The following SUPT3H variants were observed in gnomAD, a reference collection of about 807,000 sequenced individuals.
The protein encoded by SUPT3H is transcription initiation protein SPT3 homolog.
Under a neutral mutation model 44.3 loss-of-function variants are expected in SUPT3H, and 44 were observed. The ratio of observed to expected loss-of-function variants is 0.99; its 90% CI spans 0.78 to 1.28. The LOEUF (loss-of-function observed/expected upper bound fraction) is 1.28, where lower values mean the gene tolerates loss of function less well. SUPT3H is among the 50% of genes most tolerant of loss of function. SUPT3H has a pLI of 0.00. For missense variants in SUPT3H, 380 were observed against 387.1 expected (o/e 0.98, Z 0.15); for synonymous variants, 124 against 125.6 (o/e 0.99, Z 0.09).
At chr6:45,123,303 A>G (rs1801934556) in intron 2 of SUPT3H, among the ~76,000 whole-genome samples, 1 of 152,156 alleles carries the variant, frequency 6.6e-6, no homozygotes, top group Non-Finnish European at 1.5e-5. Flanking sequence ...TAATTTAATT[A>G]AAATTCTACT....
intron 2 of SUPT3H, among the ~76,000 whole-genome samples, chr6:45,190,230 T>C (rs1055703920): frequency 1.3e-5 from 2 of 152,104 alleles, no homozygotes; most frequent in African/African-American, 4.8e-5. Context: ...GAAATAAAAA[T>C]GTTATGGTTA....
At chr6:45,231,829 G>A (rs567866028) in intron 2 of SUPT3H, among the ~76,000 whole-genome samples, 15 of 152,060 alleles carry the variant, frequency 9.9e-5, no homozygotes, top group African/African-American at 2.2e-4. Flanking sequence ...CAAAAGATGT[G>A]TCTTCAAGTT....
intron 2 of SUPT3H, among the ~76,000 whole-genome samples, chr6:45,316,075 TG>T (rs1017287088): frequency 1.2e-4 from 18 of 152,278 alleles, no homozygotes; most frequent in African/African-American, 3.4e-4. Flanking sequence ...AACTCAGGAA[TG>T]GAAAACCAAA....
chr6:45,241,104 C>T (rs1274410939), intron 2 of SUPT3H, among the ~76,000 whole-genome samples: 2 of 152,140 alleles, frequency 1.3e-5, no homozygotes, highest in Admixed American at 6.5e-5. Flanking sequence ...GTATAGTCTG[C>T]AGATGCAGAT....
At chr6:44,870,548 G>T (rs1284136607) in intron 10 of SUPT3H, among the ~76,000 whole-genome samples, 1 of 150,724 alleles carries the variant, frequency 6.6e-6, no homozygotes, top group Admixed American at 6.6e-5. Context: ...GCAGCGAGCC[G>T]GGACTGTGCT....
intron 2 of SUPT3H, among the ~76,000 whole-genome samples, chr6:45,148,869 G>A (rs1215366146): frequency 6.6e-6 from 1 of 152,072 alleles, no homozygotes; most frequent in Admixed American, 6.6e-5. Context: ...ATTCTGAAAT[G>A]CATGCTGACT....
At chr6:45,013,916 C>G (rs1783855561) in intron 5 of SUPT3H, among the ~76,000 whole-genome samples, 1 of 152,028 alleles carries the variant, frequency 6.6e-6, no homozygotes, top group South Asian at 2.1e-4. Flanking sequence ...ATGCAACAGA[C>G]TCTCAATACT....
chr6:45,043,713 G>A (rs1788948712), intron 3 of SUPT3H, among the ~76,000 whole-genome samples: 1 of 152,028 alleles, frequency 6.6e-6, no homozygotes, highest in African/African-American at 2.4e-5. Context: ...TGAAAAAAAA[G>A]GAAAGAAATT....
At chr6:45,203,910 A>C (rs1436429268) in intron 2 of SUPT3H, among the ~76,000 whole-genome samples, 1 of 152,168 alleles carries the variant, frequency 6.6e-6, no homozygotes, top group African/African-American at 2.4e-5. Flanking sequence ...CTTCTCTGTC[A>C]CAGCTTTTAA....
In SUPT3H at chr6:44,829,829, A is replaced by C. The variant is rs1317966369; in HGVS notation, c.941T>G (p.Phe314Cys). The C allele has an allele frequency of 6.2e-7, 1 of 1,613,314 alleles. No homozygotes were observed. The highest frequency in any genetic ancestry group is 1.1e-5 in the South Asian group (1 of 91,054). ...ACAGTTGTCACATCAGCAGGCTAGA[A>C]AAGCCATCCCATTCCTGCGGTAGGC... ...TNAYRRNGMA[F>C]LAC Residue 314 changes from phenylalanine (F) to cysteine (C), a missense_variant, in exon 11 of 11, where the codon TTT becomes TGT. Phe to Cys is a radical substitution (Grantham distance 205). Coordinates refer to ENST00000371459, the MANE Select transcript of SUPT3H (RefSeq NM_003599.4).
chr6:44,958,594 G>A (rs1207888445), intron 7 of SUPT3H, among the ~76,000 whole-genome samples: 3 of 152,086 alleles, frequency 2.0e-5, no homozygotes, highest in Non-Finnish European at 2.9e-5. Context: ...GGGACCTGGC[G>A]TCAATGTCTT....
chr6:45,076,468 G>A (rs553020486), intron 3 of SUPT3H, among the ~76,000 whole-genome samples: 11 of 150,756 alleles, frequency 7.3e-5, no homozygotes, highest in Middle Eastern at 3.4e-3. Context: ...TTCCTGTTAC[G>A]TGTCTGATTA....
At chr6:45,080,448 G>A (rs778466959) in intron 3 of SUPT3H, among the ~76,000 whole-genome samples, 9 of 151,842 alleles carry the variant, frequency 5.9e-5, no homozygotes, top group Non-Finnish European at 8.8e-5. Flanking sequence ...GTATATCCCA[G>A]AAAAAAGGAA....
intron 2 of SUPT3H, among the ~76,000 whole-genome samples, chr6:45,166,925 G>A (rs534087960): frequency 6.6e-6 from 1 of 152,354 alleles, no homozygotes; most frequent in Non-Finnish European, 1.5e-5. Flanking sequence ...ATTGCTTGCA[G>A]GGAAGTAAAG....
At chr6:44,882,332 TAAGAAG>T (rs1186068801) in intron 10 of SUPT3H, among the ~76,000 whole-genome samples, 1 of 152,028 alleles carries the variant, frequency 6.6e-6, no homozygotes, top group African/African-American at 2.4e-5. Context: ...AAGACTAAAC[TAAGAAG>T]AAGTACAATC....
chr6:45,091,025 G>T (rs952162914), intron 3 of SUPT3H, among the ~76,000 whole-genome samples: 4 of 151,806 alleles, frequency 2.6e-5, no homozygotes, highest in African/African-American at 9.7e-5. Context: ...TTCTGGAAAA[G>T]TTCACAATAT....
chr6:45,267,238 A>T (rs1200242953), intron 2 of SUPT3H, among the ~76,000 whole-genome samples: 1 of 152,208 alleles, frequency 6.6e-6, no homozygotes, highest in African/African-American at 2.4e-5. Context: ...TTTAATTTAT[A>T]TAACGGATTT....
chr6:44,905,430 C>T (rs990751359), intron 10 of SUPT3H, among the ~76,000 whole-genome samples: 3 of 149,906 alleles, frequency 2.0e-5, no homozygotes, highest in African/African-American at 7.4e-5. Context: ...TGCTCATCAT[C>T]ACTGGCCATC....
intron 2 of SUPT3H, among the ~76,000 whole-genome samples, chr6:45,164,229 T>C (rs1413673144): frequency 6.6e-6 from 1 of 152,096 alleles, no homozygotes; most frequent in Non-Finnish European, 1.5e-5. Context: ...GACCTATTCA[T>C]GGGGCATCAA....
Sources: allele counts gnomAD v4.1 joint callset (sites outside exome capture counted in the v4.1 genomes callset), GRCh38; gene constraint gnomAD v4.1.1; transcripts MANE v1.5; gene names NCBI Gene and HGNC (gene_info 2026-07-23, HGNC 2026-07-21).